DNAH7: variants seen among roughly 807,000 people sequenced by gnomAD.
DNAH7 encodes dynein axonemal heavy chain 7.
DNAH7 carries 397 observed loss-of-function variants against 444.6 expected under a neutral mutation model. The observed-to-expected ratio is 0.89, with a 90% CI of 0.82 to 0.97. The LOEUF is 0.97. Among genes scored for constraint, DNAH7 ranks in the 50% least tolerant of loss-of-function variants. The pLI is 0.00. For synonymous variants in DNAH7, 1,636 were observed against 1,624.4 expected (o/e 1.01, Z -0.17); for missense variants, 4,902 against 4,800.8 (o/e 1.02, Z -0.62).
intron 19 of DNAH7, among the ~76,000 whole-genome samples, chr2:195,955,877 A>T (rs1690612965): frequency 6.6e-6 from 1 of 152,170 alleles, no homozygotes; most frequent in Admixed American, 6.5e-5. Flanking sequence ...TGTTGTAAGG[A>T]AACTATATAT....
In DNAH7 at chr2:196,068,758, G is replaced by T; in HGVS notation, c.-47C>A. ...TCACCGGTGCTTCTGGGTTGCTCCTGCCCGCGGAACCCCTAGGACGATAGA... is the reference window on the plus strand; with the variant it reads ...TCACCGGTGCTTCTGGGTTGCTCCTTCCCGCGGAACCCCTAGGACGATAGA... On this transcript the variant is annotated 5_prime_UTR_variant, in exon 1 of 65. Transcript: ENST00000312428. 1 of 1,548,880 alleles carries T rather than the reference G, an allele frequency of 6.5e-7. No homozygotes were observed. The highest frequency in any genetic ancestry group is 1.9e-4 in the Middle Eastern group (1 of 5,138).
rs369041763 is a variant in DNAH7 at position 196,033,197 on chromosome 2, T to C, written c.399-5150A>G. On this transcript the variant is annotated intron_variant, in intron 5 of 64. Coordinates refer to ENST00000312428, the MANE Select transcript of DNAH7 (RefSeq NM_018897.3). ...AATTTAACTGTAAATTGATGATTTATAGTTGTATATGATTATAAGGTAAAA... is the reference window on the plus strand; with the variant it reads ...AATTTAACTGTAAATTGATGATTTACAGTTGTATATGATTATAAGGTAAAA... 2.0e-5 allele frequency among the ~76,000 whole-genome samples: 3 copies of C among 152,324 alleles called. No individual in the cohort carries two copies. In the East Asian group the frequency reaches 5.8e-4, roughly 29 times the overall value.
chr2:195,827,188 T>A (rs1697805214), intron 48 of DNAH7, among the ~76,000 whole-genome samples: 1 of 152,206 alleles, frequency 6.6e-6, no homozygotes, highest in Admixed American at 6.5e-5. Context: ...CAGCACTCAT[T>A]GCCACATGTG....
At chr2:195,937,386 G>A (rs1689127262) in intron 19 of DNAH7, among the ~76,000 whole-genome samples, 1 of 152,104 alleles carries the variant, frequency 6.6e-6, no homozygotes, top group Non-Finnish European at 1.5e-5. Flanking sequence ...GAACTCTCTA[G>A]AGACAGACTG....
At chr2:195,889,053 T>C (rs1701866018) in intron 31 of DNAH7, 72 bp from the exon 32 acceptor site, 1 of 1,396,234 alleles carries the variant, frequency 7.2e-7, no homozygotes, top group Non-Finnish European at 9.8e-7. Context: ...TCAATAATAT[T>C]ATTTCAAAAT....
chr2:195,962,740 C>T (rs139252810), intron 17 of DNAH7, among the ~76,000 whole-genome samples: 5 of 152,274 alleles, frequency 3.3e-5, no homozygotes, highest in African/African-American at 1.2e-4. Context: ...ACCCACTCAA[C>T]GTTCCTACTT....
chr2:195,817,909 T>C (rs188348346), intron 49 of DNAH7, 80 bp from the exon 50 acceptor site: 20 of 1,047,160 alleles, frequency 1.9e-5, no homozygotes, highest in African/African-American at 3.2e-5. Flanking sequence ...AGTTCTGCCC[T>C]TAAAATAGAC....
At chr2:195,817,511 A>T (rs1047106937) in intron 50 of DNAH7, among the ~76,000 whole-genome samples, 185 bp downstream of exon 50, 1 of 152,204 alleles carries the variant, frequency 6.6e-6, no homozygotes, top group Non-Finnish European at 1.5e-5. Flanking sequence ...ACTTGCATGT[A>T]AAAATATACT....
chr2:195,748,482 C>G (rs1024909019), intron 63 of DNAH7, among the ~76,000 whole-genome samples: 1 of 152,126 alleles, frequency 6.6e-6, no homozygotes, highest in Non-Finnish European at 1.5e-5. Context: ...TTGGAAAAAA[C>G]TACTTTAAAG....
intron 51 of DNAH7, among the ~76,000 whole-genome samples, chr2:195,812,338 A>G (rs1269220481): frequency 1.3e-5 from 2 of 152,112 alleles, no homozygotes; most frequent in Non-Finnish European, 2.9e-5. Context: ...TCATGGTCTC[A>G]GTGGGTTGAT....
chr2:195,803,920 A>T (rs1696589632), intron 54 of DNAH7, among the ~76,000 whole-genome samples: 1 of 152,224 alleles, frequency 6.6e-6, no homozygotes, highest in Admixed American at 6.5e-5. Flanking sequence ...TAAATTCTAA[A>T]GGAAAGTGCA....
rs397870111 is a variant in DNAH7 at position 195,906,453 on chromosome 2, CTTT to C, written c.4335+203_4335+205del. Among the ~76,000 whole-genome samples, 120 of 114,704 alleles carry C rather than the reference CTTT, an allele frequency of 1.0e-3. 1 individual carries two copies. Among genetic ancestry groups the C allele is most frequent in the African/African-American group, 3.6e-3 (110 of 30,268 alleles). The allele number at this position is 114,704 out of a possible 152,430, so 75.3% of individuals were successfully genotyped here. ...CACTTTTAAAATATTTTCTTTCTTT[CTTT>C]TTTTTTTTTTTTTTTTTTTAAGAGA... is the stretch of plus-strand genomic sequence containing the variant. On this transcript the variant is annotated intron_variant, in intron 27 of 64. Coordinates refer to ENST00000312428, the MANE Select transcript of DNAH7 (RefSeq NM_018897.3).
Position 195,891,710 on chromosome 2 carries a change from T to G in DNAH7, c.4991A>C (p.His1664Pro). 1 of 1,608,472 alleles carries G rather than the reference T, an allele frequency of 6.2e-7. No homozygotes were observed. The highest frequency in any genetic ancestry group is 1.3e-5 in the African/African-American group (1 of 74,892). ...QLYGQFDSVSHEWSDGVLAVS... is the reference protein window; with the variant it reads ...QLYGQFDSVSPEWSDGVLAVS... ...AGCAAGGACCCCATCAGACCATTCA[T>G]GGGACACTGAATCAAACTGTCCGTA... The change falls in exon 31 of 65, where the codon CAT (histidine) becomes CCT (proline). Residue 1664 changes from histidine to proline, a missense_variant. Physicochemically the swap from His to Pro is moderately conservative, Grantham distance 77. Coordinates refer to ENST00000312428, the MANE Select transcript of DNAH7 (RefSeq NM_018897.3).
rs1699776098 is a variant in DNAH7 at position 195,857,442 on chromosome 2, G to A, written c.8349C>T (p.Ile2783=). ...CTTCGGCCGCTGTAGAAGCATTTCT[G>A]ATTTTTTCTGGTACAAAATCTGGAT... is the stretch of plus-strand genomic sequence containing the variant. ...IPNPDFVPEK[I]RNASTAAEGL... The change falls in exon 44 of 65, where the codon ATC becomes ATT. Residue 2783 remains isoleucine, a synonymous_variant. Coordinates refer to ENST00000312428, the MANE Select transcript of DNAH7 (RefSeq NM_018897.3). 3.1e-6 allele frequency: 5 copies of A among 1,612,718 alleles called. No homozygotes were observed. The highest frequency in any genetic ancestry group is 4.2e-6 in the Non-Finnish European group (5 of 1,179,636).
intron 5 of DNAH7, among the ~76,000 whole-genome samples, chr2:196,046,861 G>A (rs747453412): frequency 8.5e-5 from 13 of 152,144 alleles, no homozygotes; most frequent in Admixed American, 2.6e-4. Context: ...AGCACAAAGC[G>A]GTGTGGAAAC....
rs1688179115 is a variant in DNAH7, at chr2:195,923,925, G to A, written c.3613-118C>T. On this transcript the variant is annotated intron_variant, in intron 22 of 64. Transcript: ENST00000312428. ...CTGCATTTTGATTACAACTTTCCAT[G>A]TAATACAATTTAAAAATAATTTGTT... 1.2e-5 allele frequency: 11 copies of A among 940,406 alleles called. No individual in the cohort carries two copies. In the South Asian group the frequency reaches 1.4e-4, roughly 12 times the overall value. The allele number at this position is 940,406 out of a possible 1,614,324, so 58.3% of individuals were successfully genotyped here. A position where few individuals can be genotyped will look rare whatever the true frequency, so the allele number is the denominator to read the frequency against.
chr2:195,998,922 G>A, intron 12 of DNAH7: 4 of 509,478 alleles, frequency 7.9e-6, no homozygotes, highest in Non-Finnish European at 1.4e-5. Context: ...GGACCAAAAT[G>A]AGAGAAAGCA....
chr2:195,873,596 T>C lies in DNAH7; in HGVS notation c.6385A>G (p.Arg2129Gly). Residue 2129 changes from arginine to glycine, a missense_variant, in exon 39 of 65, where the codon AGA becomes GGA. Arg to Gly is a moderately radical substitution (Grantham distance 125). Transcript: ENST00000312428. Reference sequence around the variant, plus strand: ...ATTTCTAAATGCCAAGTTAAGATTCTAGAGAAGATTGTATACATGGATTTA... The same window carrying C: ...ATTTCTAAATGCCAAGTTAAGATTCCAGAGAAGATTGTATACATGGATTTA... ...SDKSMYTIFS[R>G]ILTWHLEICY... is the part of the protein sequence containing the mutation. 6.9e-7 allele frequency: 1 copy of C among 1,452,634 alleles called. No individual in the cohort carries two copies. The highest frequency in any genetic ancestry group is 9.2e-7 in the Non-Finnish European group (1 of 1,092,618). 90.0% of individuals were successfully genotyped at this position (1,452,634 alleles called of 1,614,324 possible).
At position 195,960,735 on chromosome 2, in the gene DNAH7, C is replaced by G. The variant is rs759329669; in HGVS notation, c.2416G>C (p.Gly806Arg). ...VEADIGNYWR[G>R]LYKLEKTFHD... ...AAGGTTTTCTCCAGTTTATATAATC[C>G]TCTCCAGTAATTTCCAATATCTGCT... The change falls in exon 18 of 65, where the codon GGA (glycine) becomes CGA (arginine). Residue 806 changes from glycine (G) to arginine (R), a missense_variant. Coordinates refer to ENST00000312428, the MANE Select transcript of DNAH7 (RefSeq NM_018897.3). The G allele has an allele frequency of 6.2e-7, 1 of 1,614,022 alleles. No individual in the cohort carries two copies. The highest frequency in any genetic ancestry group is 8.5e-7 in the Non-Finnish European group (1 of 1,180,026).
Sources: gnomAD v4.1 joint callset for allele counts (sites outside exome capture counted in the v4.1 genomes callset) on GRCh38, gnomAD v4.1.1 for gene constraint, MANE v1.5 for transcripts, NCBI Gene and HGNC (gene_info 2026-07-23, HGNC 2026-07-21) for gene names.